The following NR3C1 variants were observed in gnomAD, a reference collection of about 807,000 sequenced individuals.
The protein encoded by NR3C1 is glucocorticoid receptor.
NR3C1 carries 14 observed loss-of-function variants against 74.0 expected under a neutral mutation model. The ratio of observed to expected loss-of-function variants is 0.19; its 90% CI spans 0.12 to 0.30. NR3C1 has a LOEUF of 0.30. Ranked by LOEUF, NR3C1 falls within the 10% of genes least tolerant of loss-of-function variation. NR3C1 has a pLI of 1.00. For missense variants in NR3C1, 695 were observed against 909.8 expected (o/e 0.76, Z 3.04); for synonymous variants, 308 against 332.5 (o/e 0.93, Z 0.80).
chr5:143,352,351 T>C (rs1298682729), intron 2 of NR3C1, among the ~76,000 whole-genome samples: 1 of 152,168 alleles, frequency 6.6e-6, no homozygotes, highest in Admixed American at 6.5e-5. Context: ...CTTACTGAGA[T>C]TGGTATAATG....
At chr5:143,406,480 A>G (rs1460042294), upstream of NR3C1, among the ~76,000 whole-genome samples, 1 of 151,064 alleles carries the variant, frequency 6.6e-6, no homozygotes, top group Non-Finnish European at 1.5e-5. Flanking sequence ...TTTTAATTTG[A>G]TAGCAAAAAA....
At chr5:143,344,442 AT>A (rs1274167430) in intron 2 of NR3C1, among the ~76,000 whole-genome samples, 1 of 152,196 alleles carries the variant, frequency 6.6e-6, no homozygotes, top group Non-Finnish European at 1.5e-5. Context: ...TACTAGCCCC[AT>A]TTTATGAATG....
At chr5:143,389,536 GCTTC>G (rs1394662413) in intron 2 of NR3C1, among the ~76,000 whole-genome samples, 1 of 151,986 alleles carries the variant, frequency 6.6e-6, no homozygotes, top group Admixed American at 6.6e-5. Context: ...TTTCCTTCTG[GCTTC>G]CTTATTTACT....
intron 1 of NR3C1, among the ~76,000 whole-genome samples, chr5:143,427,601 A>G (rs1279677270): frequency 3.3e-5 from 5 of 152,188 alleles, no homozygotes; most frequent in African/African-American, 1.2e-4. Flanking sequence ...ACCTGCTAGC[A>G]ATACCGTTCT....
At chr5:143,298,472 G>A (rs1817784671) in intron 6 of NR3C1, among the ~76,000 whole-genome samples, 196 bp downstream of exon 6, 1 of 152,142 alleles carries the variant, frequency 6.6e-6, no homozygotes, top group African/African-American at 2.4e-5. Flanking sequence ...CAGTAATAAT[G>A]CCACATGTAC....
intron 2 of NR3C1, among the ~76,000 whole-genome samples, chr5:143,332,098 A>T (rs545944135): frequency 6.6e-6 from 1 of 152,228 alleles, no homozygotes; most frequent in Non-Finnish European, 1.5e-5. Flanking sequence ...TATTTTAAGG[A>T]CAAGTCATTA....
At chr5:143,311,473 CT>C (rs540786139) in intron 3 of NR3C1, among the ~76,000 whole-genome samples, 13 of 152,086 alleles carry the variant, frequency 8.5e-5, no homozygotes, top group South Asian at 4.1e-4. Context: ...GGCAATGTAC[CT>C]TCATAAGTTA....
At chr5:143,307,293 A>G (rs998978306) in intron 4 of NR3C1, among the ~76,000 whole-genome samples, 1 of 152,158 alleles carries the variant, frequency 6.6e-6, no homozygotes, top group African/African-American at 2.4e-5. Context: ...GAAAAATCAG[A>G]TGTCAGTCAC....
At chr5:143,420,250 G>A (rs1440837288) in intron 1 of NR3C1, among the ~76,000 whole-genome samples, 1 of 152,090 alleles carries the variant, frequency 6.6e-6, no homozygotes, top group African/African-American at 2.4e-5. Flanking sequence ...CCTCAGTTTA[G>A]GAGATGACAG....
chr5:143,337,000 C>T (rs1561602467), intron 2 of NR3C1, among the ~76,000 whole-genome samples: 1 of 151,242 alleles, frequency 6.6e-6, no homozygotes, highest in African/African-American at 2.4e-5. Context: ...CATACATATA[C>T]ATATATATAT....
intron 8 of NR3C1, 47 bp downstream of exon 8, chr5:143,282,521 C>A: frequency 6.2e-7 from 1 of 1,609,624 alleles, no homozygotes; most frequent in South Asian, 1.1e-5. Flanking sequence ...TCAAAACATA[C>A]TTTGTCCCAG....
At chr5:143,311,361 A>G (rs142717340) in intron 3 of NR3C1, among the ~76,000 whole-genome samples, 1 of 152,374 alleles carries the variant, frequency 6.6e-6, no homozygotes, top group East Asian at 1.9e-4. Context: ...AGTTTTGTTT[A>G]TATCCAACTG....
intron 7 of NR3C1, among the ~76,000 whole-genome samples, chr5:143,293,052 T>A (rs1003068661): frequency 6.6e-6 from 1 of 152,234 alleles, no homozygotes; most frequent in African/African-American, 2.4e-5. Flanking sequence ...TGCTTTTAGA[T>A]CCATCCACTG....
intron 2 of NR3C1, among the ~76,000 whole-genome samples, chr5:143,365,437 T>C (rs944334705): frequency 6.6e-6 from 1 of 152,216 alleles, no homozygotes; most frequent in Non-Finnish European, 1.5e-5. Context: ...TAGGGCACTG[T>C]ATAATGATAA....
chr5:143,396,114 C>A (rs1839137415), intron 2 of NR3C1, among the ~76,000 whole-genome samples: 1 of 151,602 alleles, frequency 6.6e-6, no homozygotes, highest in South Asian at 2.1e-4. Flanking sequence ...AGGGGACTAG[C>A]CATAGAAACA....
chr5:143,370,994 A>T (rs1834138877), intron 2 of NR3C1, among the ~76,000 whole-genome samples: 1 of 152,220 alleles, frequency 6.6e-6, no homozygotes, highest in Non-Finnish European at 1.5e-5. Context: ...CAAGTCAAGT[A>T]TCTGTGTAAG....
chr5:143,294,683 T>G (rs1816762422), intron 7 of NR3C1, among the ~76,000 whole-genome samples: 1 of 152,238 alleles, frequency 6.6e-6, no homozygotes, highest in African/African-American at 2.4e-5. Flanking sequence ...GATTTTTTTT[T>G]GCTGTCTTCA....
At chr5:143,416,920 T>C (rs1750932032) in intron 1 of NR3C1, among the ~76,000 whole-genome samples, 1 of 152,248 alleles carries the variant, frequency 6.6e-6, no homozygotes, top group Non-Finnish European at 1.5e-5. Context: ...AATTCACCTA[T>C]TCTGGTTACA....
intron 2 of NR3C1, among the ~76,000 whole-genome samples, chr5:143,334,629 T>C (rs1210020580): frequency 1.3e-5 from 2 of 151,918 alleles, no homozygotes; most frequent in Admixed American, 6.6e-5. Context: ...AAGGACATAA[T>C]TGAATCTGGA....
Sources: gnomAD v4.1 joint callset for allele counts (sites outside exome capture counted in the v4.1 genomes callset) on GRCh38, gnomAD v4.1.1 for gene constraint, MANE v1.5 for transcripts, NCBI Gene and HGNC (gene_info 2026-07-23, HGNC 2026-07-21) for gene names.